Variants in CD226 observed in about 807,000 individuals in gnomAD.
The protein encoded by CD226 is CD226 antigen.
In CD226, 24 loss-of-function variants were observed where a neutral mutation model predicts 34.9. The ratio of observed to expected loss-of-function variants is 0.69; its 90% CI spans 0.50 to 0.97. The LOEUF (loss-of-function observed/expected upper bound fraction) is 0.97, where lower values mean the gene tolerates loss of function less well. CD226 is among the 50% of genes least tolerant of loss of function. The probability of loss-of-function intolerance (pLI) is 0.00; values close to 1 mark genes in which losing one functional copy is unlikely to be tolerated. For missense variants in CD226, 397 were observed against 412.7 expected, an observed-to-expected ratio of 0.96 and a Z score of 0.33; for synonymous variants, 148 against 147.4, an observed-to-expected ratio of 1.00 and a Z score of -0.03.
chr18:69,923,577 TAA>T (rs1467287310), intron 2 of CD226, among the ~76,000 whole-genome samples: 2 of 151,976 alleles, frequency 1.3e-5, no homozygotes, highest in Admixed American at 6.5e-5. Flanking sequence ...CTAAAAAAAT[TAA>T]GAGGATTAAT....
At chr18:69,914,600 T>G (rs777113587) in intron 2 of CD226, among the ~76,000 whole-genome samples, 1 of 152,198 alleles carries the variant, frequency 6.6e-6, no homozygotes, top group Non-Finnish European at 1.5e-5. Context: ...ACTAGACTTT[T>G]GGCCCTCCTT....
chr18:69,891,001 C>T (rs1250938133), intron 3 of CD226, among the ~76,000 whole-genome samples: 3 of 133,744 alleles, frequency 2.2e-5, no homozygotes, highest in African/African-American at 9.3e-5. Flanking sequence ...GATACCAAAA[C>T]CAGACAAAGA....
Position 69,945,619 on chromosome 18 carries a change from C to T in CD226, c.382+1115G>A, listed in dbSNP as rs115346261. 5.0e-3 allele frequency among the ~76,000 whole-genome samples: 764 copies of T among 152,142 alleles called. 8 individuals carry two copies. The highest frequency in any genetic ancestry group is 0.017 in the African/African-American group (713 of 41,494). ...CAGTAATCCTGGCACTCTGGGAGGC[C>T]GAGGCAGTTGGATCACTTGAACTCA... On this transcript the variant is annotated intron_variant, in intron 2 of 5. Transcript: ENST00000582621.
At chr18:69,959,712 G>T (rs1273233243), upstream of CD226, among the ~76,000 whole-genome samples, 1 of 152,180 alleles carries the variant, frequency 6.6e-6, no homozygotes, top group African/African-American at 2.4e-5. Context: ...ATTGTTAATA[G>T]ATGCTAAAAC....
At chr18:69,920,584 T>A (rs2055439141) in intron 2 of CD226, among the ~76,000 whole-genome samples, 1 of 152,212 alleles carries the variant, frequency 6.6e-6, no homozygotes, top group Non-Finnish European at 1.5e-5. Flanking sequence ...AAAATAACTT[T>A]GCTTCATTCT....
At chr18:69,960,293 T>C (rs1374615023), upstream of CD226, among the ~76,000 whole-genome samples, 1 of 138,372 alleles carries the variant, frequency 7.2e-6, no homozygotes, top group Admixed American at 7.1e-5. Flanking sequence ...ATACAGGCAA[T>C]AAAAGACTGA....
chr18:69,948,875 T>C (rs1290074645), upstream of CD226, among the ~76,000 whole-genome samples: 1 of 152,210 alleles, frequency 6.6e-6, no homozygotes, highest in Non-Finnish European at 1.5e-5. Flanking sequence ...TAGTGGGTCA[T>C]ATTAATTTTA....
chr18:69,919,959 G>T (rs1193704595), intron 2 of CD226, among the ~76,000 whole-genome samples: 1 of 151,570 alleles, frequency 6.6e-6, no homozygotes, highest in African/African-American at 2.4e-5. Context: ...GACCTTTCAG[G>T]ATCAAACCAT....
At chr18:69,897,596 G>A (rs1215407514) in intron 2 of CD226, among the ~76,000 whole-genome samples, 1 of 151,856 alleles carries the variant, frequency 6.6e-6, no homozygotes, top group Non-Finnish European at 1.5e-5. Flanking sequence ...AGGAGCCATT[G>A]TCTTGGCATA....
chr18:69,941,606 A>G (rs112836568), intron 2 of CD226, among the ~76,000 whole-genome samples: 19,081 of 152,162 alleles, frequency 0.13, 3,095 homozygotes, highest in African/African-American at 0.38. Context: ...TCTCTCATTT[A>G]GAATTGGTGT....
At chr18:69,955,106 T>C (rs2145386777) in intron 1 of CD226, among the ~76,000 whole-genome samples, 1 of 152,026 alleles carries the variant, frequency 6.6e-6, no homozygotes, top group African/African-American at 2.4e-5. Flanking sequence ...TGCAGACTCC[T>C]AGGTGGCCTG....
Position 69,857,316 on chromosome 18 carries a change from A to G in CD226, c.*6998T>C, listed in dbSNP as rs1003737663. On this transcript the variant is annotated 3_prime_UTR_variant, in exon 6 of 6. Transcript: ENST00000582621. ...ATTTTTTATGTGAGCTAAAATCAAA[A>G]TTTGCTTCTGAGGACCATTATACGA... 6.6e-6 allele frequency: 1 copy of G among 152,186 alleles called. No homozygotes were observed. The highest frequency in any genetic ancestry group is 2.4e-5 in the African/African-American group (1 of 41,454). 9.4% of individuals were successfully genotyped at this position (152,186 alleles called of 1,614,324 possible).
At chr18:69,932,054 G>GA (rs912320208) in intron 2 of CD226, among the ~76,000 whole-genome samples, 3 of 151,998 alleles carry the variant, frequency 2.0e-5, no homozygotes, top group African/African-American at 7.2e-5. Context: ...TATTGGATTA[G>GA]ATCCCACCCT....
intron 2 of CD226, among the ~76,000 whole-genome samples, chr18:69,933,571 C>T (rs879414998): frequency 6.6e-6 from 1 of 152,170 alleles, no homozygotes; most frequent in Non-Finnish European, 1.5e-5. Context: ...TCACTTGGCC[C>T]AAACGTTTTA....
chr18:69,935,605 A>C (rs1282477606), intron 2 of CD226, among the ~76,000 whole-genome samples: 2 of 152,208 alleles, frequency 1.3e-5, no homozygotes, highest in Non-Finnish European at 2.9e-5. Flanking sequence ...TGTATTCCTC[A>C]TGTTGTGGTT....
intron 3 of CD226, among the ~76,000 whole-genome samples, chr18:69,875,807 G>C (rs1219843621): frequency 6.6e-6 from 1 of 152,194 alleles, no homozygotes; most frequent in African/African-American, 2.4e-5. Context: ...AAATAAGCCA[G>C]ACATAGAAAG....
chr18:69,855,825 A>G lies in CD226; in HGVS notation c.*8489T>C, dbSNP rs990293206. 4 of 152,200 alleles carry G rather than the reference A, an allele frequency of 2.6e-5. No homozygotes were observed. Among genetic ancestry groups the G allele is most frequent in the African/African-American group, 9.6e-5 (4 of 41,464 alleles). The allele number at this position is 152,200 out of a possible 1,614,324, so 9.4% of individuals were successfully genotyped here. A position where few individuals can be genotyped will look rare whatever the true frequency, so the allele number is the denominator to read the frequency against. On this transcript the variant is annotated 3_prime_UTR_variant, in exon 6 of 6. Transcript: ENST00000582621. ...AATCCAACTATATCAATAATCACTT[A>G]AATTTGAATAATCTAAATGTACCAA... is the stretch of plus-strand genomic sequence containing the variant.
At position 69,862,234 on chromosome 18, in the gene CD226, C is replaced by CAA. The variant is rs1982866870; in HGVS notation, c.*2078_*2079dup. On this transcript the variant is annotated 3_prime_UTR_variant, in exon 6 of 6. Coordinates refer to ENST00000582621, the MANE Select transcript of CD226 (RefSeq NM_001303618.2). Reference sequence around the variant, plus strand: ...ATTGGATTTATATTTCCCCATACTACAACTGTAAAAATGTTTTCCTGCTCA... The same window carrying CAA: ...ATTGGATTTATATTTCCCCATACTACAAAACTGTAAAAATGTTTTCCTGCTCA... 1 of 152,110 alleles carries CAA rather than the reference C, an allele frequency of 6.6e-6. No individual in the cohort carries two copies. Among genetic ancestry groups the CAA allele is most frequent in the African/African-American group, 2.4e-5 (1 of 41,438 alleles). The allele number at this position is 152,110 out of a possible 1,614,324, so 9.4% of individuals were successfully genotyped here.
intron 2 of CD226, among the ~76,000 whole-genome samples, chr18:69,897,484 A>C (rs1004438795): frequency 1.1e-4 from 16 of 152,346 alleles, no homozygotes; most frequent in Admixed American, 9.1e-4. Context: ...AGGCCTGGGC[A>C]GTAATGATGT....
Sources: allele counts gnomAD v4.1 joint callset (sites outside exome capture counted in the v4.1 genomes callset), GRCh38; gene constraint gnomAD v4.1.1; transcripts MANE v1.5; gene names NCBI Gene and HGNC (gene_info 2026-07-23, HGNC 2026-07-21).